Variants in IL17B observed in about 807,000 individuals in gnomAD.
IL17B encodes interleukin-17B.
IL17B carries 14 observed loss-of-function variants against 14.7 expected under a neutral mutation model. That is an observed-to-expected ratio of 0.95 (90% CI 0.63 to 1.49). IL17B has a LOEUF of 1.49. IL17B is among the 40% of genes most tolerant of loss of function. The pLI, the probability that IL17B is intolerant of heterozygous loss-of-function variation, is 0.00. For synonymous variants in IL17B, 105 were observed against 94.8 expected (o/e 1.11, Z -0.62); for missense variants, 233 against 252.8 (o/e 0.92, Z 0.53).
At chr5:149,397,693 C>T (rs532356632) in intron 1 of IL17B, among the ~76,000 whole-genome samples, 33 of 152,090 alleles carry the variant, frequency 2.2e-4, no homozygotes, top group Non-Finnish European at 2.8e-4. Context: ...ATTTATTAGG[C>T]GGATTGACTC....
Position 149,399,695 on chromosome 5 carries a change from C to G in IL17B, n.95+4413G>C, listed in dbSNP as rs553755476. Among the ~76,000 whole-genome samples the G allele has an allele frequency of 1.7e-4, 26 of 152,110 alleles. 1 individual carries two copies. In the East Asian group the frequency reaches 4.8e-3, roughly 28 times the overall value. On this transcript the variant is annotated intron_variant and non_coding_transcript_variant, in intron 1 of 2. Transcript: ENST00000505432. ...GGGTTTGATTAGCTGTGGCTGTCAC[C>G]CTGTGAGTTAATAATAGGGCCGGGA...
In IL17B at chr5:149,374,805, T is replaced by C. The variant is rs1581381163; in HGVS notation, c.312-205A>G. The C allele has an allele frequency of 1.9e-6, 1 of 537,722 alleles. No homozygotes were observed. The highest frequency in any genetic ancestry group is 3.3e-6 in the Non-Finnish European group (1 of 301,862). 33.3% of individuals were successfully genotyped at this position (537,722 alleles called of 1,614,324 possible). On this transcript the variant is annotated intron_variant, in intron 2 of 2. Coordinates refer to ENST00000261796, the MANE Select transcript of IL17B (RefSeq NM_014443.3). This position sits in a 1 kb window ranked among gnomAD's most constrained non-coding sequence, Gnocchi z 5.0. ...GAAGGCAAGTCGAGAGCCCCAAGGT[T>C]ATCCAGCTTCAAGGTCACCAGTCAC...
chr5:149,376,086 C>G (rs1200221177), intron 2 of IL17B, among the ~76,000 whole-genome samples: 2 of 152,162 alleles, frequency 1.3e-5, no homozygotes, highest in African/African-American at 4.8e-5. Flanking sequence ...GTGAGGACCT[C>G]AGGGTCAGCC....
chr5:149,402,730 A>G (rs1195668244), intron 1 of IL17B, among the ~76,000 whole-genome samples: 2 of 150,074 alleles, frequency 1.3e-5, no homozygotes, highest in Non-Finnish European at 3.0e-5. Context: ...CGTGCCGGGC[A>G]CGGTGGCTCA....
At position 149,376,826 on chromosome 5, in the gene IL17B, C is replaced by A; in HGVS notation, c.221G>T (p.Arg74Met). 2 of 1,614,004 alleles carry A rather than the reference C, an allele frequency of 1.2e-6. No individual in the cohort carries two copies. Among genetic ancestry groups the A allele is most frequent in the Middle Eastern group, 1.6e-4 (1 of 6,062 alleles). ...TCTCTGGGCCAGCTCTGAGCTGTTC[C>A]TCAGCTGGGCCACCATCTCCTCGAT... Reference protein sequence around the residue: ...RNIEEMVAQLRNSSELAQRKC... With the variant: ...RNIEEMVAQLMNSSELAQRKC... Residue 74 changes from arginine to methionine, a missense_variant, in exon 2 of 3, where the codon AGG becomes ATG. By Grantham distance (91) the Arg-to-Met change is moderately conservative. Transcript: ENST00000261796.
At chr5:149,400,411 C>T (rs1319444742) in intron 1 of IL17B, among the ~76,000 whole-genome samples, 1 of 152,178 alleles carries the variant, frequency 6.6e-6, no homozygotes, top group Non-Finnish European at 1.5e-5. Context: ...ACTTCTAGCC[C>T]CCAGAGCTGT....
chr5:149,379,483 A>G (rs560632560), upstream of IL17B, among the ~76,000 whole-genome samples: 1 of 152,296 alleles, frequency 6.6e-6, no homozygotes, highest in South Asian at 2.1e-4. Context: ...TGACCGAGGG[A>G]CAATGCCCTG....
chr5:149,380,289 T>C (rs1758656816), upstream of IL17B, among the ~76,000 whole-genome samples: 1 of 152,202 alleles, frequency 6.6e-6, no homozygotes, highest in African/African-American at 2.4e-5. Flanking sequence ...CTATGTTAAA[T>C]AGCTGGCAAC....
intron 1 of IL17B, among the ~76,000 whole-genome samples, chr5:149,391,264 C>A (rs764605474): frequency 2.0e-5 from 3 of 152,258 alleles, no homozygotes; most frequent in South Asian, 4.1e-4. Flanking sequence ...CTGCGCCCAG[C>A]GTTGGACCAG....
rs1758474034 is a variant in IL17B, at chr5:149,374,603, G to T, written c.312-3C>A. On this transcript the variant is annotated splice_region_variant and splice_polypyrimidine_tract_variant and intron_variant, in intron 2 of 2. Coordinates refer to ENST00000261796, the MANE Select transcript of IL17B (RefSeq NM_014443.3). This position sits in a 1 kb window ranked among gnomAD's most constrained non-coding sequence, Gnocchi z 5.0. ...TACGGCTGGGGTCGTGGTTGATGCT[G>T]CAGGGAGCAGAAGAAAGAGCAGAGC... is the stretch of plus-strand genomic sequence containing the variant. The T allele has an allele frequency of 2.5e-6, 4 of 1,606,708 alleles. No individual in the cohort carries two copies. Among genetic ancestry groups the T allele is most frequent in the Non-Finnish European group, 3.4e-6 (4 of 1,174,914 alleles).
chr5:149,391,238 T>C (rs1758946082), intron 1 of IL17B, among the ~76,000 whole-genome samples: 1 of 152,172 alleles, frequency 6.6e-6, no homozygotes, highest in Non-Finnish European at 1.5e-5. Flanking sequence ...ACTGCTGGGA[T>C]TACAGACGTG....
chr5:149,395,620 A>G (rs1350720338), intron 1 of IL17B, among the ~76,000 whole-genome samples: 5 of 152,200 alleles, frequency 3.3e-5, no homozygotes, highest in Non-Finnish European at 5.9e-5. Flanking sequence ...AATGTCATCA[A>G]CTGGAAGGAA....
intron 1 of IL17B, among the ~76,000 whole-genome samples, chr5:149,399,179 C>T (rs956870901): frequency 1.3e-5 from 2 of 152,146 alleles, no homozygotes; most frequent in African/African-American, 4.8e-5. Flanking sequence ...TGTGTGGGGA[C>T]GCAGCCAAAC....
chr5:149,398,458 C>T (rs775723016), intron 1 of IL17B, among the ~76,000 whole-genome samples: 2 of 152,192 alleles, frequency 1.3e-5, no homozygotes, highest in Non-Finnish European at 2.9e-5. Flanking sequence ...AACACTCATA[C>T]GTTTTTGAGA....
chr5:149,392,798 C>G (rs1457375448), intron 1 of IL17B, among the ~76,000 whole-genome samples: 1 of 152,206 alleles, frequency 6.6e-6, no homozygotes, highest in East Asian at 1.9e-4. Context: ...CTCTCTTTCT[C>G]TCCCTCTGGA....
rs1258715507 is a variant in IL17B at position 149,374,611 on chromosome 5, C to T, written c.312-11G>A. The T allele has an allele frequency of 6.2e-7, 1 of 1,601,648 alleles. No individual in the cohort carries two copies. The highest frequency in any genetic ancestry group is 1.3e-5 in the African/African-American group (1 of 74,708). On this transcript the variant is annotated splice_polypyrimidine_tract_variant and intron_variant, in intron 2 of 2. Transcript: ENST00000261796. This position sits in a 1 kb window ranked among gnomAD's most constrained non-coding sequence, Gnocchi z 5.0. ...GGGTCGTGGTTGATGCTGCAGGGAGCAGAAGAAAGAGCAGAGCGGAAGGTG... is the reference window on the plus strand; with the variant it reads ...GGGTCGTGGTTGATGCTGCAGGGAGTAGAAGAAAGAGCAGAGCGGAAGGTG...
chr5:149,382,683 G>C (rs1758727678), upstream of IL17B, among the ~76,000 whole-genome samples: 1 of 152,250 alleles, frequency 6.6e-6, no homozygotes, highest in Non-Finnish European at 1.5e-5. Flanking sequence ...GCGGCAGCCA[G>C]GGGTGGAGGG....
At chr5:149,390,263 C>T (rs1758913580) in intron 1 of IL17B, among the ~76,000 whole-genome samples, 1 of 150,086 alleles carries the variant, frequency 6.7e-6, no homozygotes, top group Non-Finnish European at 1.5e-5. Context: ...AGGGGCCTGG[C>T]TCCATCTCTT....
upstream of IL17B, among the ~76,000 whole-genome samples, chr5:149,380,111 C>G (rs764336955): frequency 3.9e-4 from 59 of 152,200 alleles, no homozygotes; most frequent in Non-Finnish European, 5.4e-4. Flanking sequence ...GTGAGCTTTA[C>G]TGTCAGCCTC....
Sources: gnomAD v4.1 joint callset for allele counts (sites outside exome capture counted in the v4.1 genomes callset) on GRCh38, gnomAD v4.1.1 for gene constraint, Gnocchi (gnomAD v3.1) non-coding constraint, MANE v1.5 for transcripts, NCBI Gene and HGNC (gene_info 2026-07-23, HGNC 2026-07-21) for gene names.